Variants in TCF12 observed in about 807,000 individuals in gnomAD.
TCF12 encodes the protein transcription factor 12.
In TCF12, 45 loss-of-function variants were observed where a neutral mutation model predicts 86.0. The observed-to-expected ratio is 0.52, with a 90% CI of 0.41 to 0.67. The LOEUF (loss-of-function observed/expected upper bound fraction) is 0.67. TCF12 is among the 30% of genes least tolerant of loss of function. TCF12 has a pLI of 0.00. For synonymous variants in TCF12, 330 were observed against 299.6 expected (o/e 1.10, Z -1.05); for missense variants, 881 against 859.9 (o/e 1.02, Z -0.31).
intron 3 of TCF12, among the ~76,000 whole-genome samples, chr15:56,960,956 C>A (rs2061722035): frequency 6.6e-6 from 1 of 151,534 alleles, no homozygotes; most frequent in Non-Finnish European, 1.5e-5. Flanking sequence ...CCTGGCCAAC[C>A]TGGTGAAACC....
chr15:56,918,371 G>C (rs1470992809), upstream of TCF12: 7 of 386,182 alleles, frequency 1.8e-5, no homozygotes, highest in East Asian at 5.0e-4. Context: ...CTGCCACCCC[G>C]CTCCCAGGAG....
At chr15:57,220,557 C>G (rs1297460510) in intron 8 of TCF12, among the ~76,000 whole-genome samples, 2 of 152,090 alleles carry the variant, frequency 1.3e-5, no homozygotes, top group Non-Finnish European at 1.5e-5. Context: ...TGATTTATAG[C>G]AAGCACATGA....
At chr15:57,281,266 G>A (rs750082374) in intron 19 of TCF12, among the ~76,000 whole-genome samples, 7 of 152,038 alleles carry the variant, frequency 4.6e-5, no homozygotes, top group Non-Finnish European at 1.0e-4. Context: ...CAGATCCCAC[G>A]CAGTCTTGTT....
At position 56,924,837 on chromosome 15, in the gene TCF12, A is replaced by G. The variant is rs1209563125; in HGVS notation, c.148+3739A>G. ...CTGTTTATGAAAACTCATACTTGGAAAACATAAAAATTAGAGACAAGATTA... is the reference window on the plus strand; with the variant it reads ...CTGTTTATGAAAACTCATACTTGGAGAACATAAAAATTAGAGACAAGATTA... On this transcript the variant is annotated intron_variant, in intron 3 of 20. Transcript: ENST00000333725. 2.0e-5 allele frequency among the ~76,000 whole-genome samples: 3 copies of G among 152,198 alleles called. No individual in the cohort carries two copies. The East Asian group carries it at 5.8e-4, about 29-fold the overall frequency.
intron 5 of TCF12, among the ~76,000 whole-genome samples, chr15:57,116,341 G>A (rs935462870): frequency 2.0e-4 from 30 of 152,136 alleles, no homozygotes; most frequent in African/African-American, 7.0e-4. Context: ...TTTTACTGTG[G>A]TATATTTTTT....
Position 57,232,426 on chromosome 15 carries a change from G to C in TCF12, c.821G>C (p.Arg274Pro). 6.2e-7 allele frequency: 1 copy of C among 1,603,418 alleles called. No individual in the cohort carries two copies. Among genetic ancestry groups the C allele is most frequent in the Non-Finnish European group, 8.5e-7 (1 of 1,176,742 alleles). The change falls in exon 10 of 21, where the codon CGC (arginine) becomes CCC (proline). Residue 274 changes from arginine to proline, a missense_variant. Arg to Pro is a moderately radical substitution (Grantham distance 103). Around this residue, in one of 3 missense-constraint regions of TCF12, gnomAD observed 766 missense variants for 718.9 expected, o/e 1.07. Coordinates refer to ENST00000333725, the MANE Select transcript of TCF12 (RefSeq NM_207037.2). ...TATGGCAACCTTCATTCACATGACC[G>C]CTTGGTAGGCTATAACACGTGACTA... ...SSYGNLHSHD[R>P]LSYPPHSVSP... is the part of the protein sequence containing the mutation.
At chr15:56,944,896 C>G (rs989038397) in intron 3 of TCF12, among the ~76,000 whole-genome samples, 96 of 152,094 alleles carry the variant, frequency 6.3e-4, no homozygotes, top group African/African-American at 2.2e-3. Context: ...TTGTAATTAC[C>G]TTGTCGATTT....
At chr15:56,971,512 G>T (rs2062322729) in intron 3 of TCF12, among the ~76,000 whole-genome samples, 1 of 152,110 alleles carries the variant, frequency 6.6e-6, no homozygotes, top group Admixed American at 6.5e-5. Context: ...TTCCCACCAT[G>T]GCCTGAACTA....
In TCF12 at chr15:57,276,718, C is replaced by T. The variant is rs565271578; in HGVS notation, c.1978+3456C>T. On this transcript the variant is annotated intron_variant, in intron 19 of 20. Transcript: ENST00000333725. Reference sequence around the variant, plus strand: ...ATCATCAGCGTTCTGGACAGTAGTACTGGATTCCAGGAGATAGTGGAGCAG... The same window carrying T: ...ATCATCAGCGTTCTGGACAGTAGTATTGGATTCCAGGAGATAGTGGAGCAG... 3.8e-4 allele frequency among the ~76,000 whole-genome samples: 58 copies of T among 151,762 alleles called. No homozygotes were observed. In the South Asian group the frequency reaches 6.7e-3, roughly 17 times the overall value.
In TCF12 at chr15:57,077,341, G is replaced by A. The variant is rs1304106879; in HGVS notation, c.222+13518G>A. On this transcript the variant is annotated intron_variant, in intron 4 of 20. Transcript: ENST00000333725. ...TATGTATATATATGTGTGTGTGTGT[G>A]TGTGTGTGTGTGTGTGTGTGTGTGT... is the stretch of plus-strand genomic sequence containing the variant. Among the ~76,000 whole-genome samples the A allele has an allele frequency of 1.3e-4, 4 of 30,712 alleles. 1 individual carries two copies. Among genetic ancestry groups the A allele is most frequent in the Non-Finnish European group, 3.0e-4 (4 of 13,378 alleles). The allele number at this position is 30,712 out of a possible 152,430, so 20.1% of individuals were successfully genotyped here.
At chr15:57,033,746 T>C (rs8027046) in intron 3 of TCF12, among the ~76,000 whole-genome samples, 4,279 of 152,230 alleles carry the variant, frequency 0.028, 202 homozygotes, top group African/African-American at 0.099. Context: ...CTTATTTAAT[T>C]CTAAAGATGT....
intron 3 of TCF12, among the ~76,000 whole-genome samples, chr15:56,930,304 G>A (rs1306216646): frequency 6.6e-6 from 1 of 152,142 alleles, no homozygotes; most frequent in African/African-American, 2.4e-5. Context: ...AAAATGCTAG[G>A]CTCACTTTAA....
intron 5 of TCF12, among the ~76,000 whole-genome samples, chr15:57,114,808 A>G (rs1483178629): frequency 1.3e-5 from 2 of 152,224 alleles, no homozygotes; most frequent in African/African-American, 4.8e-5. Context: ...GTTGTTGTAT[A>G]TCTTTGGCAT....
intron 5 of TCF12, among the ~76,000 whole-genome samples, chr15:57,146,446 A>G (rs2053369341): frequency 6.6e-6 from 1 of 152,170 alleles, no homozygotes; most frequent in African/African-American, 2.4e-5. Context: ...GTGTATTCAT[A>G]TTGTTTTAAA....
intron 3 of TCF12, among the ~76,000 whole-genome samples, chr15:56,983,354 A>C (rs566519934): frequency 6.6e-6 from 1 of 152,248 alleles, no homozygotes; most frequent in African/African-American, 2.4e-5. Context: ...CCTTTTGTGA[A>C]TGGAACTGAT....
At chr15:57,151,372 AG>A (rs2053746011) in intron 5 of TCF12, among the ~76,000 whole-genome samples, 1 of 19,744 alleles carries the variant, frequency 5.1e-5, no homozygotes, top group Non-Finnish European at 4.4e-4. Context: ...TCACTTCAGA[AG>A]AAAAAAAATC....
intron 6 of TCF12, among the ~76,000 whole-genome samples, chr15:57,181,870 T>C (rs2056374772): frequency 6.6e-6 from 1 of 152,180 alleles, no homozygotes; most frequent in Non-Finnish European, 1.5e-5. Flanking sequence ...GGGATAACCC[T>C]TTATTAATTA....
intron 5 of TCF12, among the ~76,000 whole-genome samples, chr15:57,093,489 A>G (rs1219713794): frequency 6.6e-6 from 1 of 152,182 alleles, no homozygotes; most frequent in Non-Finnish European, 1.5e-5. Flanking sequence ...CTTCACTCAT[A>G]GAGATGACTT....
chr15:57,075,830 CT>C (rs2069924415), intron 4 of TCF12, among the ~76,000 whole-genome samples: 1 of 50,308 alleles, frequency 2.0e-5, no homozygotes, highest in African/African-American at 9.1e-5. Flanking sequence ...CTCTCTCTCT[CT>C]CTCTTTTCTT....
Sources: gnomAD v4.1 joint callset for allele counts (sites outside exome capture counted in the v4.1 genomes callset) on GRCh38, gnomAD v4.1.1 for gene constraint, gnomAD v4.1.1 regional missense constraint, MANE v1.5 for transcripts, NCBI Gene and HGNC (gene_info 2026-07-23, HGNC 2026-07-21) for gene names.